Variants in RTF1 observed in about 807,000 individuals in gnomAD.
RTF1 encodes RTF1 homolog, Paf1/RNA polymerase II complex component.
In RTF1, 10 loss-of-function variants were observed where a neutral mutation model predicts 95.7. The observed-to-expected ratio is 0.10, with a 90% CI of 0.06 to 0.18. The LOEUF is 0.18. Ranked by LOEUF, RTF1 falls within the 10% of genes least tolerant of loss-of-function variation. The pLI is 1.00. For synonymous variants in RTF1, 305 were observed against 311.8 expected, an observed-to-expected ratio of 0.98 and a Z score of 0.23; for missense variants, 458 against 875.6, an observed-to-expected ratio of 0.52 and a Z score of 6.02.
At chr15:41,439,624 T>TA (rs1237645189) in intron 2 of RTF1, among the ~76,000 whole-genome samples, 2 of 152,142 alleles carry the variant, frequency 1.3e-5, no homozygotes, top group Non-Finnish European at 2.9e-5. Flanking sequence ...TTGAAACACT[T>TA]CTACATGTTT....
chr15:41,436,152 CA>C (rs1403874424), intron 1 of RTF1, among the ~76,000 whole-genome samples: 2 of 151,826 alleles, frequency 1.3e-5, no homozygotes, highest in African/African-American at 4.8e-5. Flanking sequence ...ACTAAAAGTA[CA>C]AAAATTAGCC....
intron 2 of RTF1, 90 bp downstream of exon 2, chr15:41,438,521 G>A: frequency 1.3e-6 from 1 of 757,004 alleles, no homozygotes. Context: ...TCCTTAAATG[G>A]AGACTTACAG....
At chr15:41,455,834 G>T (rs2050811758) in intron 3 of RTF1, among the ~76,000 whole-genome samples, 1 of 151,316 alleles carries the variant, frequency 6.6e-6, no homozygotes, top group Non-Finnish European at 1.5e-5. Flanking sequence ...GGGAGTGAGG[G>T]TTAAAAGAGT....
Position 41,474,681 on chromosome 15 carries a change from C to T in RTF1, c.1265C>T (p.Thr422Ile). The change falls in exon 9 of 18, where the codon ACA (threonine) becomes ATA (isoleucine). Residue 422 changes from threonine (T) to isoleucine (I), a missense_variant. Transcript: ENST00000389629. ...AKVYQLGGTR[T>I]NKGLQLRHGN... ...GTTTACCAACTAGGTGGCACCAGAA[C>T]AAACAAAGGGCTGCAACTACGGTAG... 6.2e-7 allele frequency: 1 copy of T among 1,614,026 alleles called. No homozygotes were observed. The highest frequency in any genetic ancestry group is 8.5e-7 in the Non-Finnish European group (1 of 1,179,876).
chr15:41,450,478 G>C (rs889682202), intron 2 of RTF1, among the ~76,000 whole-genome samples: 1 of 151,972 alleles, frequency 6.6e-6, no homozygotes, highest in African/African-American at 2.4e-5. Context: ...CCAGCTACTC[G>C]GGAGGCTGAG....
At position 41,464,398 on chromosome 15, in the gene RTF1, G is replaced by A. The variant is rs975206881; in HGVS notation, c.663-373G>A. On this transcript the variant is annotated intron_variant, in intron 4 of 17. Coordinates refer to ENST00000389629, the MANE Select transcript of RTF1 (RefSeq NM_015138.5). ...CAAGTAGCTGGGACTACAAGTGTGCGCCACCATGCCCAGCTAATTTTTGTA... is the reference window on the plus strand; with the variant it reads ...CAAGTAGCTGGGACTACAAGTGTGCACCACCATGCCCAGCTAATTTTTGTA... Among the ~76,000 whole-genome samples the A allele has an allele frequency of 6.6e-5, 10 of 150,970 alleles. 1 individual carries two copies. The highest frequency in any genetic ancestry group is 2.0e-4 in the Admixed American group (3 of 15,080).
At chr15:41,433,142 G>T (rs2050684060) in intron 1 of RTF1, among the ~76,000 whole-genome samples, 2 of 151,930 alleles carry the variant, frequency 1.3e-5, no homozygotes, top group African/African-American at 4.8e-5. Flanking sequence ...CAGCTACTTG[G>T]GAGGCTGAGG....
intron 11 of RTF1, 37 bp from the exon 12 acceptor site, chr15:41,476,409 G>C (rs763057719): frequency 6.3e-7 from 1 of 1,578,692 alleles, no homozygotes; most frequent in Non-Finnish European, 8.7e-7. Context: ...AAATAGCTTA[G>C]GAATACCTCA....
At chr15:41,449,923 G>A (rs553548249) in intron 2 of RTF1, among the ~76,000 whole-genome samples, 2 of 152,048 alleles carry the variant, frequency 1.3e-5, no homozygotes, top group East Asian at 3.9e-4. Flanking sequence ...CAGGCTGGGC[G>A]CAGTGGTTCA....
chr15:41,456,027 A>G (rs2050813420), intron 3 of RTF1, among the ~76,000 whole-genome samples: 1 of 152,026 alleles, frequency 6.6e-6, no homozygotes, highest in Non-Finnish European at 1.5e-5. Flanking sequence ...CTGGACCAAC[A>G]TATTTTCATC....
At chr15:41,422,963 G>A (rs1284315689) in intron 1 of RTF1, among the ~76,000 whole-genome samples, 3 of 151,972 alleles carry the variant, frequency 2.0e-5, no homozygotes, top group South Asian at 2.1e-4. Flanking sequence ...TAGTAGAGAC[G>A]GGGTTTCACC....
intron 9 of RTF1, among the ~76,000 whole-genome samples, chr15:41,474,994 C>T (rs1213964408): frequency 6.6e-6 from 1 of 152,156 alleles, no homozygotes; most frequent in Non-Finnish European, 1.5e-5. Context: ...CAAGCATGTC[C>T]AAGAGGCTTG....
intron 2 of RTF1, among the ~76,000 whole-genome samples, chr15:41,441,266 TG>T (rs1459225235): frequency 6.6e-6 from 1 of 152,128 alleles, no homozygotes; most frequent in Non-Finnish European, 1.5e-5. Flanking sequence ...CCACCATGTC[TG>T]GCCTCTCTCC....
chr15:41,430,574 T>C (rs1371853973), intron 1 of RTF1, among the ~76,000 whole-genome samples: 2 of 151,720 alleles, frequency 1.3e-5, no homozygotes, highest in Non-Finnish European at 2.9e-5. Context: ...ACCCTGTCTC[T>C]ACTAATAATA....
intron 2 of RTF1, among the ~76,000 whole-genome samples, chr15:41,448,528 A>G (rs1019146919): frequency 3.3e-5 from 5 of 151,834 alleles, no homozygotes; most frequent in African/African-American, 7.3e-5. Context: ...TCGCCCGGGT[A>G]TAGTGGCTCT....
chr15:41,433,500 G>C (rs2050686226), intron 1 of RTF1, among the ~76,000 whole-genome samples: 1 of 151,714 alleles, frequency 6.6e-6, no homozygotes, highest in Non-Finnish European at 1.5e-5. Context: ...ATGCCCAGCT[G>C]ATTTTTGTAT....
intron 5 of RTF1, among the ~76,000 whole-genome samples, chr15:41,465,317 A>G (rs962837181): frequency 6.6e-6 from 1 of 152,048 alleles, no homozygotes; most frequent in Non-Finnish European, 1.5e-5. Flanking sequence ...GGCATATGCT[A>G]CCGTGCCCGG....
At position 41,482,627 on chromosome 15, in the gene RTF1, G is replaced by A. The variant is rs1374029295; in HGVS notation, c.*1940G>A. The A allele has an allele frequency of 1.3e-5, 2 of 152,658 alleles. No individual in the cohort carries two copies. Among genetic ancestry groups the A allele is most frequent in the Middle Eastern group, 3.4e-3 (1 of 294 alleles). 9.5% of individuals were successfully genotyped at this position (152,658 alleles called of 1,614,324 possible). ...ATGACTGTAACACAGCTTTGTGGTA[G>A]CTGTGACACAGTTCACTTGGGCAAA... is the stretch of plus-strand genomic sequence containing the variant. On this transcript the variant is annotated 3_prime_UTR_variant, in exon 18 of 18. Transcript: ENST00000389629.
chr15:41,479,864 CA>C (rs72095200), intron 16 of RTF1, among the ~76,000 whole-genome samples: 16,301 of 85,906 alleles, frequency 0.19, 1,082 homozygotes, highest in African/African-American at 0.31. Context: ...ACTCCCACCT[CA>C]AAAAAAAAAA....
Sources: allele counts gnomAD v4.1 joint callset (sites outside exome capture counted in the v4.1 genomes callset), GRCh38; gene constraint gnomAD v4.1.1; transcripts MANE v1.5; gene names NCBI Gene and HGNC (gene_info 2026-07-23, HGNC 2026-07-21).